The following CYREN variants were observed in gnomAD, a reference collection of about 807,000 sequenced individuals.
The protein encoded by CYREN is cell cycle regulator of NHEJ.
Under a neutral mutation model 9.7 loss-of-function variants are expected in CYREN, and 7 were observed. The observed-to-expected ratio is 0.72, with a 90% CI of 0.41 to 1.36. The LOEUF is 1.36. CYREN is among the 40% of genes most tolerant of loss of function. CYREN has a pLI of 0.01. For missense variants in CYREN, 215 were observed against 198.1 expected (o/e 1.09, Z -0.51); for synonymous variants, 76 against 77.9 (o/e 0.98, Z 0.13).
At chr7:135,139,421 T>A (rs1829413011) in intron 2 of CYREN, among the ~76,000 whole-genome samples, 1 of 152,134 alleles carries the variant, frequency 6.6e-6, no homozygotes, top group South Asian at 2.1e-4. Flanking sequence ...TTGCCCTTTT[T>A]TTTTTAATGA....
Position 135,098,373 on chromosome 7 carries a change from T to C in CYREN, n.357-3791A>G, listed in dbSNP as rs147598695. On this transcript the variant is annotated intron_variant and non_coding_transcript_variant, in intron 2 of 2. Transcript: ENST00000459937. ...TCTCTAGATTACTTATAATACCTGATACAATGTGAATGCTATGTAAAAAGT... is the reference window on the plus strand; with the variant it reads ...TCTCTAGATTACTTATAATACCTGACACAATGTGAATGCTATGTAAAAAGT... Among the ~76,000 whole-genome samples, 588 of 152,318 alleles carry C rather than the reference T, an allele frequency of 3.9e-3. 2 individuals carry two copies. Among genetic ancestry groups the C allele is most frequent in the African/African-American group, 0.014 (562 of 41,574 alleles).
downstream of CYREN, among the ~76,000 whole-genome samples, chr7:135,161,606 A>G (rs1355377617): frequency 7.2e-5 from 11 of 152,230 alleles, no homozygotes; most frequent in Admixed American, 7.2e-4. The surrounding 1 kb of genome is among the most constrained non-coding windows in gnomAD (Gnocchi z 4.1). Context: ...TCCCGTCGGC[A>G]ATTTTTCCCA....
chr7:135,126,848 C>T (rs1041279994), intron 2 of CYREN, among the ~76,000 whole-genome samples: 5 of 152,160 alleles, frequency 3.3e-5, no homozygotes, highest in African/African-American at 7.2e-5. Context: ...CCCTTCCTTA[C>T]ACCTTATACA....
chr7:135,112,158 C>T (rs925941250), intron 2 of CYREN, among the ~76,000 whole-genome samples: 2 of 152,176 alleles, frequency 1.3e-5, no homozygotes, highest in African/African-American at 2.4e-5. Context: ...CTAATGCTAC[C>T]GCTAATTCAG....
At chr7:135,102,813 A>G (rs1372374636) in intron 2 of CYREN, among the ~76,000 whole-genome samples, 1 of 152,184 alleles carries the variant, frequency 6.6e-6, no homozygotes, top group Non-Finnish European at 1.5e-5. Context: ...AGCTAAAATC[A>G]TAAAAACTTA....
At position 135,121,479 on chromosome 7, in the gene CYREN, A is replaced by C. The variant is rs137975959; in HGVS notation, n.357-26897T>G. ...AAATAAACCTCAACATATTTAAAAG[A>C]ATTTAAATCATAGAAAGTGTATATC... On this transcript the variant is annotated intron_variant and non_coding_transcript_variant, in intron 2 of 2. Coordinates refer to the CYREN transcript ENST00000459937. Among the ~76,000 whole-genome samples, 11 of 152,256 alleles carry C rather than the reference A, an allele frequency of 7.2e-5. No individual in the cohort carries two copies. The East Asian group carries it at 2.1e-3, about 29-fold the overall frequency.
intron 2 of CYREN, among the ~76,000 whole-genome samples, chr7:135,133,531 A>G (rs1829081869): frequency 6.6e-6 from 1 of 152,206 alleles, no homozygotes; most frequent in African/African-American, 2.4e-5. Flanking sequence ...GAACTTTTAT[A>G]TAGCTAGAGT....
At chr7:135,098,495 T>C (rs945069723) in intron 2 of CYREN, among the ~76,000 whole-genome samples, 19 of 152,152 alleles carry the variant, frequency 1.2e-4, no homozygotes, top group African/African-American at 4.6e-4. Context: ...CCATCCTCAG[T>C]TGGTTAAATC....
At chr7:135,093,563 G>C (rs1822187758) in exon 3 of CYREN, 2 of 151,986 alleles carry the variant, frequency 1.3e-5, no homozygotes, top group African/African-American at 4.8e-5. Flanking sequence ...AGAAGTACAA[G>C]ACTTATAAAC....
intron 2 of CYREN, 167 bp from the exon 3 acceptor site, chr7:135,167,974 T>C: frequency 8.2e-7 from 1 of 1,214,454 alleles, no homozygotes; most frequent in Non-Finnish European, 1.1e-6. Context: ...TCCTCAGCCT[T>C]GCAGCCCAGT....
intron 2 of CYREN, chr7:135,129,784 C>T: frequency 1.7e-6 from 1 of 590,614 alleles, no homozygotes; most frequent in Non-Finnish European, 3.2e-6. Flanking sequence ...TAGGGTACTA[C>T]TCATTCAGTC....
At chr7:135,111,267 T>A (rs113658707) in intron 2 of CYREN, among the ~76,000 whole-genome samples, 13 of 152,338 alleles carry the variant, frequency 8.5e-5, no homozygotes, top group African/African-American at 3.1e-4. Context: ...ATAACTCTAA[T>A]TACTGCCGTC....
chr7:135,121,670 G>A (rs539988951), intron 2 of CYREN, among the ~76,000 whole-genome samples: 1 of 152,134 alleles, frequency 6.6e-6, no homozygotes, highest in South Asian at 2.1e-4. Flanking sequence ...AGCGGCATTC[G>A]GAGGCTCCCA....
At chr7:135,112,602 A>G (rs905832292) in intron 2 of CYREN, among the ~76,000 whole-genome samples, 10 of 152,168 alleles carry the variant, frequency 6.6e-5, no homozygotes, top group Non-Finnish European at 1.3e-4. Context: ...GGCTATAAGT[A>G]TATGTATGTA....
upstream of CYREN, among the ~76,000 whole-genome samples, chr7:135,172,415 C>G (rs1203132526): frequency 7.4e-6 from 1 of 134,546 alleles, no homozygotes; most frequent in Non-Finnish European, 1.5e-5. Flanking sequence ...TGTGTGCCCT[C>G]TTTACCTGTT....
At chr7:135,115,049 A>G (rs1404262090) in intron 2 of CYREN, among the ~76,000 whole-genome samples, 1 of 152,166 alleles carries the variant, frequency 6.6e-6, no homozygotes, top group African/African-American at 2.4e-5. Flanking sequence ...GTCTCGAATT[A>G]TCTTTCCCCT....
rs139684713 is a variant in CYREN at position 135,167,709 on chromosome 7, G to A, written c.213+23C>T. 158 of 1,613,644 alleles carry A rather than the reference G, an allele frequency of 9.8e-5. No homozygotes were observed. In the African/African-American group the frequency reaches 1.8e-3, roughly 18 times the overall value. ...GCCCATGCAGAGTTTCTGGTCATGA[G>A]TAAGAGGCTTGTCTGACTTTACCTC... On this transcript the variant is annotated intron_variant, in intron 3 of 3. Coordinates refer to ENST00000393114, the MANE Select transcript of CYREN (RefSeq NM_024033.4).
In CYREN at chr7:135,136,608, C is replaced by T. The variant is rs182681513; in HGVS notation, n.356+32141G>A. Among the ~76,000 whole-genome samples, 18 of 152,086 alleles carry T rather than the reference C, an allele frequency of 1.2e-4. No homozygotes were observed. The East Asian group carries it at 2.9e-3, about 25-fold the overall frequency. ...TTGGGAAAGCCAGAGGTTAATGTTC[C>T]GGATCATAGCATTTATTGTAGCTGA... On this transcript the variant is annotated intron_variant and non_coding_transcript_variant, in intron 2 of 2. Coordinates refer to the CYREN transcript ENST00000459937.
chr7:135,141,895 C>G (rs941924997), intron 2 of CYREN, among the ~76,000 whole-genome samples: 1 of 151,958 alleles, frequency 6.6e-6, no homozygotes, highest in African/African-American at 2.4e-5. Flanking sequence ...TTTTATTGTG[C>G]TTTATTCTGA....
Sources: gnomAD v4.1 joint callset for allele counts (sites outside exome capture counted in the v4.1 genomes callset) on GRCh38, gnomAD v4.1.1 for gene constraint, Gnocchi (gnomAD v3.1) non-coding constraint, MANE v1.5 for transcripts, NCBI Gene and HGNC (gene_info 2026-07-23, HGNC 2026-07-21) for gene names.